DCDC1: variants seen among roughly 807,000 people sequenced by gnomAD.
DCDC1 encodes the protein doublecortin domain containing 1.
DCDC1 carries 200 observed loss-of-function variants against 178.3 expected under a neutral mutation model. That is an observed-to-expected ratio of 1.12 (90% CI 1.00 to 1.26). DCDC1 has a LOEUF of 1.26. Ranked by LOEUF, DCDC1 falls within the 50% of genes most tolerant of loss-of-function variation. DCDC1 has a pLI of 0.00. For missense variants in DCDC1, 1,983 were observed against 1,749.2 expected, an observed-to-expected ratio of 1.13 and a Z score of -2.38; for synonymous variants, 690 against 604.8, an observed-to-expected ratio of 1.14 and a Z score of -2.07.
At chr11:30,950,876 A>C (rs1394971956) in intron 21 of DCDC1, among the ~76,000 whole-genome samples, 1 of 152,154 alleles carries the variant, frequency 6.6e-6, no homozygotes, top group East Asian at 1.9e-4. Context: ...TCCTAAAACA[A>C]AGAAATGATA....
intron 7 of DCDC1, among the ~76,000 whole-genome samples, chr11:31,278,446 T>A (rs1184335528): frequency 3.3e-5 from 5 of 152,066 alleles, no homozygotes; most frequent in African/African-American, 1.2e-4. Context: ...TTCACTTATA[T>A]GTGAAAACAA....
intron 9 of DCDC1, among the ~76,000 whole-genome samples, chr11:31,219,040 G>A (rs1483485856): frequency 1.3e-5 from 2 of 152,190 alleles, no homozygotes; most frequent in Middle Eastern, 3.4e-3. Context: ...TGACCTGGAA[G>A]AACGGAGCTC....
At chr11:31,244,297 A>C (rs1977556707) in intron 8 of DCDC1, among the ~76,000 whole-genome samples, 1 of 151,772 alleles carries the variant, frequency 6.6e-6, no homozygotes, top group Non-Finnish European at 1.5e-5. Context: ...GATGTGAATT[A>C]GTTATTTAAG....
At chr11:31,096,718 C>A (rs1958176598) in intron 15 of DCDC1, among the ~76,000 whole-genome samples, 2 of 151,984 alleles carry the variant, frequency 1.3e-5, no homozygotes, top group South Asian at 4.1e-4. Context: ...AAAAATCCTG[C>A]CAAGTCTGGA....
intron 9 of DCDC1, among the ~76,000 whole-genome samples, chr11:31,196,217 A>T (rs199998127): frequency 6.6e-6 from 1 of 152,052 alleles, no homozygotes; most frequent in East Asian, 1.9e-4. Context: ...TAGAAAGGGA[A>T]AAAACACTAT....
intron 9 of DCDC1, among the ~76,000 whole-genome samples, chr11:31,219,076 G>A (rs910153436): frequency 3.3e-5 from 5 of 151,900 alleles, no homozygotes; most frequent in African/African-American, 1.2e-4. Flanking sequence ...CCATGCCTGA[G>A]TTGGTGCTAA....
In DCDC1 at chr11:31,363,610, C is replaced by G. The variant is rs377534141; in HGVS notation, c.-125+6087G>C. Reference sequence around the variant, plus strand: ...CATAGTTAATATACACTAGTGAATTCCACACTTAACTTCAAAAGGTTCCAT... The same window carrying G: ...CATAGTTAATATACACTAGTGAATTGCACACTTAACTTCAAAAGGTTCCAT... On this transcript the variant is annotated intron_variant, in intron 1 of 38. Coordinates refer to ENST00000684477, the MANE Select transcript of DCDC1 (RefSeq NM_001387274.1). 3.9e-5 allele frequency among the ~76,000 whole-genome samples: 6 copies of G among 152,172 alleles called. No individual in the cohort carries two copies. In the South Asian group the frequency reaches 1.0e-3, roughly 26 times the overall value.
rs182710195 is a variant in DCDC1 at position 31,151,932 on chromosome 11, T to C, written c.1222-14148A>G. Among the ~76,000 whole-genome samples the C allele has an allele frequency of 5.2e-4, 79 of 152,292 alleles. No individual in the cohort carries two copies. In the Middle Eastern group the frequency reaches 0.01, roughly 20 times the overall value. On this transcript the variant is annotated intron_variant, in intron 9 of 38. Coordinates refer to ENST00000684477, the MANE Select transcript of DCDC1 (RefSeq NM_001387274.1). ...GGTGACCGTAGTTAATAATATGTTG[T>C]ATATATTTTAAAATTTTAAATGTTC...
At chr11:31,070,089 T>C (rs1956462287) in intron 18 of DCDC1, among the ~76,000 whole-genome samples, 1 of 152,218 alleles carries the variant, frequency 6.6e-6, no homozygotes, top group Admixed American at 6.5e-5. Context: ...CCTGGAATTT[T>C]CCCTTTGGAG....
intron 20 of DCDC1, among the ~76,000 whole-genome samples, chr11:30,984,708 G>T (rs1303080814): frequency 1.3e-5 from 2 of 152,220 alleles, no homozygotes; most frequent in Non-Finnish European, 1.5e-5. Context: ...AAGCAGGTCA[G>T]CTGGTAAGCA....
intron 20 of DCDC1, chr11:30,992,743 C>T (rs530681386): frequency 6.6e-6 from 1 of 152,214 alleles, no homozygotes; most frequent in Admixed American, 6.5e-5. Flanking sequence ...AGTCCAAAGT[C>T]TAGACATCTG....
intron 9 of DCDC1, among the ~76,000 whole-genome samples, chr11:31,210,051 T>TG (rs1219785391): frequency 6.6e-6 from 1 of 152,144 alleles, no homozygotes; most frequent in Non-Finnish European, 1.5e-5. Flanking sequence ...GTCTGCTACA[T>TG]GGGGGGTATC....
At chr11:31,349,207 G>C (rs1950959777) in intron 1 of DCDC1, among the ~76,000 whole-genome samples, 1 of 152,164 alleles carries the variant, frequency 6.6e-6, no homozygotes, top group African/African-American at 2.4e-5. Flanking sequence ...TATGCTACCA[G>C]ACTGTGTTAA....
chr11:31,221,236 T>C (rs906532510), intron 9 of DCDC1, among the ~76,000 whole-genome samples: 1 of 152,198 alleles, frequency 6.6e-6, no homozygotes, highest in Non-Finnish European at 1.5e-5. Flanking sequence ...AAATCAGATA[T>C]GGGTCAGACC....
At chr11:31,368,406 G>T (rs1952077371) in intron 1 of DCDC1, among the ~76,000 whole-genome samples, 1 of 152,162 alleles carries the variant, frequency 6.6e-6, no homozygotes, top group Admixed American at 6.5e-5. Context: ...GTTCAAGGTG[G>T]CATCATTCTG....
intron 6 of DCDC1, among the ~76,000 whole-genome samples, chr11:31,304,806 C>T (rs185880975): frequency 2.0e-4 from 31 of 152,166 alleles, no homozygotes; most frequent in Admixed American, 3.9e-4. Context: ...CAGTTAGACA[C>T]ACTGAATTTT....
intron 2 of DCDC1, among the ~76,000 whole-genome samples, chr11:31,330,476 C>G (rs1949913315): frequency 6.6e-6 from 1 of 152,156 alleles, no homozygotes; most frequent in African/African-American, 2.4e-5. Flanking sequence ...CTTGCCCATG[C>G]CTATGTCCTG....
intron 9 of DCDC1, among the ~76,000 whole-genome samples, chr11:31,176,343 T>TGAGA (rs1565387797): frequency 6.6e-6 from 1 of 152,134 alleles, no homozygotes; most frequent in Non-Finnish European, 1.5e-5. Context: ...TTGAAATAAC[T>TGAGA]CAGTCTGAGA....
At position 31,241,490 on chromosome 11, in the gene DCDC1, A is replaced by T. The variant is rs748194061; in HGVS notation, c.1181T>A (p.Leu394Gln). Reference sequence around the variant, plus strand: ...TTTTGCAGACTTTAATCGTTGGTACAGGGCCAAAAGAACTCCTTGGATGTA... The same window carrying T: ...TTTTGCAGACTTTAATCGTTGGTACTGGGCCAAAAGAACTCCTTGGATGTA... ...KMYIQGVLLA[L>Q]YQRLKSAKKY... Residue 394 changes from leucine to glutamine, a missense_variant, in exon 9 of 39, where the codon CTG (leucine) becomes CAG (glutamine). Coordinates refer to ENST00000684477, the MANE Select transcript of DCDC1 (RefSeq NM_001387274.1). 3.5e-5 allele frequency: 14 copies of T among 397,388 alleles called. No individual in the cohort carries two copies. The highest frequency in any genetic ancestry group is 5.3e-5 in the Non-Finnish European group (12 of 224,974). The allele number at this position is 397,388 out of a possible 1,614,324, so 24.6% of individuals were successfully genotyped here. A position where few individuals can be genotyped will look rare whatever the true frequency, so the allele number is the denominator to read the frequency against.
Sources: gnomAD v4.1 joint callset for allele counts (sites outside exome capture counted in the v4.1 genomes callset) on GRCh38, gnomAD v4.1.1 for gene constraint, MANE v1.5 for transcripts, NCBI Gene and HGNC (gene_info 2026-07-23, HGNC 2026-07-21) for gene names.